CCDC152: variants seen among roughly 807,000 people sequenced by gnomAD.
CCDC152 encodes the protein coiled-coil domain-containing protein 152.
Under a neutral mutation model 38.1 loss-of-function variants are expected in CCDC152, and 37 were observed. That is an observed-to-expected ratio of 0.97 (90% CI 0.75 to 1.28). CCDC152 has a LOEUF of 1.28. Ranked by LOEUF, CCDC152 falls within the 50% of genes most tolerant of loss-of-function variation. CCDC152 has a pLI of 0.00. For synonymous variants in CCDC152, 83 were observed against 87.1 expected (o/e 0.95, Z 0.26); for missense variants, 259 against 292.1 (o/e 0.89, Z 0.83).
At chr5:42,764,858 T>C (rs1442998487) in intron 3 of CCDC152, among the ~76,000 whole-genome samples, 3 of 152,208 alleles carry the variant, frequency 2.0e-5, no homozygotes, top group Non-Finnish European at 4.4e-5. Context: ...CTCTAAGATC[T>C]GGAACATGAC....
chr5:42,771,998 T>G (rs1178656538), intron 4 of CCDC152, among the ~76,000 whole-genome samples: 1 of 151,892 alleles, frequency 6.6e-6, no homozygotes. Context: ...AAACACAGAC[T>G]CAAAAATCTT....
rs773633775 is a variant in CCDC152, at chr5:42,779,494, T to C, written c.299T>C (p.Ile100Thr). ...NEQLKISADL[I>T]KEKLKSHEQE... ...CAACTAAAAATAAGTGCTGATCTTA[T>C]AAAAGAGAAGTTAAAGTCTCATGAA... Residue 100 changes from isoleucine (I) to threonine (T), a missense_variant, in exon 5 of 9, where the codon ATA becomes ACA. Physicochemically the swap from Ile to Thr is moderately conservative, Grantham distance 89. Transcript: ENST00000361970. 2.6e-6 allele frequency: 4 copies of C among 1,518,208 alleles called. No homozygotes were observed. Among genetic ancestry groups the C allele is most frequent in the East Asian group, 2.5e-5 (1 of 40,660 alleles). The allele number at this position is 1,518,208 out of a possible 1,614,324, so 94.0% of individuals were successfully genotyped here. A position where few individuals can be genotyped will look rare whatever the true frequency, so the allele number is the denominator to read the frequency against.
intron 7 of CCDC152, among the ~76,000 whole-genome samples, chr5:42,798,270 T>G (rs1760105240): frequency 6.6e-6 from 1 of 152,238 alleles, no homozygotes; most frequent in Non-Finnish European, 1.5e-5. Flanking sequence ...CTTCCATCAT[T>G]CTTCCGTTGC....
chr5:42,788,172 A>G (rs1213356692), intron 6 of CCDC152, among the ~76,000 whole-genome samples: 4 of 151,548 alleles, frequency 2.6e-5, no homozygotes, highest in Non-Finnish European at 2.9e-5. Flanking sequence ...TTGGAAAAAA[A>G]CTTTATTTCT....
At chr5:42,782,897 C>T (rs1009135379) in intron 5 of CCDC152, among the ~76,000 whole-genome samples, 3 of 151,502 alleles carry the variant, frequency 2.0e-5, no homozygotes, top group Non-Finnish European at 2.9e-5. Flanking sequence ...GACAGAGTCT[C>T]GCTCTGTCCC....
At chr5:42,760,409 C>G (rs572869543) in intron 2 of CCDC152, among the ~76,000 whole-genome samples, 4 of 152,016 alleles carry the variant, frequency 2.6e-5, no homozygotes, top group Admixed American at 1.3e-4. Flanking sequence ...TATAACTACT[C>G]ATTTTTTAGT....
rs749942093 is a variant in CCDC152, at chr5:42,800,795, C to T, written c.*1014C>T. ...TGGCACTGGCTTCTGTGGGTATAAGCTGCTGACTTATTTGTCAGGCAGCTG... is the reference window on the plus strand; with the variant it reads ...TGGCACTGGCTTCTGTGGGTATAAGTTGCTGACTTATTTGTCAGGCAGCTG... On this transcript the variant is annotated 3_prime_UTR_variant, in exon 9 of 9. Coordinates refer to ENST00000361970, the MANE Select transcript of CCDC152 (RefSeq NM_001134848.2). 3.7e-6 allele frequency: 6 copies of T among 1,614,082 alleles called. No individual in the cohort carries two copies. In the African/African-American group the frequency reaches 8.0e-5, roughly 22 times the overall value.
intron 5 of CCDC152, among the ~76,000 whole-genome samples, chr5:42,781,707 T>G (rs1157629563): frequency 6.6e-6 from 1 of 152,138 alleles, no homozygotes; most frequent in Non-Finnish European, 1.5e-5. Flanking sequence ...TCCCATTCAT[T>G]CAAGAAATAT....
Position 42,796,866 on chromosome 5 carries a change from G to C in CCDC152, c.468G>C (p.Glu156Asp). The C allele has an allele frequency of 6.6e-7, 1 of 1,522,494 alleles. No individual in the cohort carries two copies. The highest frequency in any genetic ancestry group is 1.3e-5 in the South Asian group (1 of 78,534). The allele number at this position is 1,522,494 out of a possible 1,614,324, so 94.3% of individuals were successfully genotyped here. Residue 156 changes from glutamate to aspartate, a missense_variant, in exon 7 of 9, where the codon GAG (glutamate) becomes GAC (aspartate). Transcript: ENST00000361970. ...AAGAAAAGCACAAAGAACTAATAGA[G>C]AAAAAGGAGATGGAAATTTCAGAGT... ...LNEEKHKELI[E>D]KKEMEISELN...
At chr5:42,778,123 C>T (rs893452213) in intron 4 of CCDC152, among the ~76,000 whole-genome samples, 3 of 152,180 alleles carry the variant, frequency 2.0e-5, no homozygotes, top group African/African-American at 7.2e-5. Flanking sequence ...TGAGGCTTTT[C>T]CTGTTTACCA....
intron 6 of CCDC152, among the ~76,000 whole-genome samples, chr5:42,789,606 G>A (rs1759971634): frequency 6.6e-6 from 1 of 152,042 alleles, no homozygotes; most frequent in Non-Finnish European, 1.5e-5. Flanking sequence ...TATCTAATGT[G>A]AAACAGTTTG....
intron 3 of CCDC152, among the ~76,000 whole-genome samples, chr5:42,766,957 A>T (rs1333375620): frequency 6.6e-6 from 1 of 152,146 alleles, no homozygotes; most frequent in Non-Finnish European, 1.5e-5. Flanking sequence ...GAGGGGATAG[A>T]TACGCCATTC....
rs1445198975 is a variant in CCDC152, at chr5:42,801,142, C to T, written c.*1361C>T. The stretch of plus-strand genomic sequence containing the variant: ...TTGTGCTTATGGTGGTGATGAAGGC[C>T]TGGAGGAGCAGGATGAGTAGGAGCA... On this transcript the variant is annotated 3_prime_UTR_variant, in exon 9 of 9. Transcript: ENST00000361970. The T allele has an allele frequency of 6.2e-7, 1 of 1,614,114 alleles. No individual in the cohort carries two copies. The highest frequency in any genetic ancestry group is 1.1e-5 in the South Asian group (1 of 91,068).
At chr5:42,766,678 A>G (rs897049716) in intron 3 of CCDC152, among the ~76,000 whole-genome samples, 3 of 143,514 alleles carry the variant, frequency 2.1e-5, no homozygotes, top group Non-Finnish European at 3.1e-5. Flanking sequence ...CAAACATCAT[A>G]TGTTCTCATT....
At chr5:42,770,305 T>A (rs1759679867) in intron 4 of CCDC152, among the ~76,000 whole-genome samples, 1 of 152,188 alleles carries the variant, frequency 6.6e-6, no homozygotes, top group Non-Finnish European at 1.5e-5. Flanking sequence ...ACCTCTGCCT[T>A]TATTTTAAAA....
intron 2 of CCDC152, among the ~76,000 whole-genome samples, chr5:42,761,529 T>A (rs1759553816): frequency 6.6e-6 from 1 of 151,882 alleles, no homozygotes; most frequent in African/African-American, 2.4e-5. Flanking sequence ...GCAGGAGAAC[T>A]GCTAGAGCCC....
chr5:42,770,302 C>T (rs1002339217), intron 4 of CCDC152, among the ~76,000 whole-genome samples: 1 of 152,100 alleles, frequency 6.6e-6, no homozygotes, highest in Admixed American at 6.5e-5. Context: ...TAGACCTCTG[C>T]CTTTATTTTA....
chr5:42,785,917 G>A (rs186423803), intron 6 of CCDC152, among the ~76,000 whole-genome samples: 239 of 152,178 alleles, frequency 1.6e-3, no homozygotes, highest in African/African-American at 5.5e-3. Flanking sequence ...TTTGTGTAGC[G>A]AATCACATTT....
intron 5 of CCDC152, among the ~76,000 whole-genome samples, chr5:42,780,178 A>T (rs1190868702): frequency 6.6e-6 from 1 of 152,130 alleles, no homozygotes; most frequent in African/African-American, 2.4e-5. Flanking sequence ...TAGCAGACAA[A>T]AGATCCTCAA....
Sources: allele counts gnomAD v4.1 joint callset (sites outside exome capture counted in the v4.1 genomes callset), GRCh38; gene constraint gnomAD v4.1.1; transcripts MANE v1.5; gene names NCBI Gene and HGNC (gene_info 2026-07-23, HGNC 2026-07-21).